The following RGS6 variants were observed in gnomAD, a reference collection of about 807,000 sequenced individuals.
The protein encoded by RGS6 is regulator of G protein signaling 6.
A neutral mutation model predicts 78.5 loss-of-function variants in RGS6; 30 were observed. The ratio of observed to expected loss-of-function variants is 0.38; its 90% CI spans 0.29 to 0.52. The LOEUF is 0.52. Ranked by LOEUF, RGS6 falls within the 20% of genes least tolerant of loss-of-function variation. The pLI is 0.85. For missense variants in RGS6, 495 were observed against 609.7 expected (o/e 0.81, Z 1.98); for synonymous variants, 206 against 206.0 (o/e 1.00, Z 0.00).
At chr14:72,206,200 T>C (rs2042669835) in intron 2 of RGS6, among the ~76,000 whole-genome samples, 1 of 152,156 alleles carries the variant, frequency 6.6e-6, no homozygotes, top group Non-Finnish European at 1.5e-5. Flanking sequence ...TACAGGGGCT[T>C]ATGCCTGTAA....
chr14:72,541,232 GTGAC>G, intron 17 of RGS6: 1 of 1,440,994 alleles, frequency 6.9e-7, no homozygotes, highest in Admixed American at 2.1e-5. Flanking sequence ...TGACTACTGT[GTGAC>G]TGGTATACGT....
At chr14:72,236,847 G>A (rs2283406) in intron 2 of RGS6, among the ~76,000 whole-genome samples, 68,657 of 151,920 alleles carry the variant, frequency 0.45, 15,841 homozygotes, top group Middle Eastern at 0.6. Flanking sequence ...TGGCAGCTGC[G>A]CAGAGGCGCT....
chr14:72,360,338 G>A (rs1472916354), intron 3 of RGS6, among the ~76,000 whole-genome samples: 4 of 151,906 alleles, frequency 2.6e-5, no homozygotes, highest in East Asian at 2.0e-4. Context: ...TGGCTAACAC[G>A]GTGAAACCCC....
At chr14:72,546,349 C>T (rs1431605231) in intron 17 of RGS6, among the ~76,000 whole-genome samples, 1 of 152,210 alleles carries the variant, frequency 6.6e-6, no homozygotes, top group African/African-American at 2.4e-5. Context: ...AAACAACAGA[C>T]TCAGTATGGC....
chr14:72,458,391 C>G lies in RGS6; in HGVS notation c.342+14C>G, dbSNP rs1197745132. 2 of 1,581,188 alleles carry G rather than the reference C, an allele frequency of 1.3e-6. No homozygotes were observed. The highest frequency in any genetic ancestry group is 1.7e-5 in the Admixed American group (1 of 59,874). On this transcript the variant is annotated intron_variant, in intron 5 of 17. Transcript: ENST00000553525. ...TATCGTTTCCAGGTAAGCCTGCTGG[C>G]TCCTCCTCCTGAAGAACCTTTTCTT...
chr14:72,320,327 C>T (rs1341750875), intron 2 of RGS6, among the ~76,000 whole-genome samples: 1 of 152,104 alleles, frequency 6.6e-6, no homozygotes, highest in Non-Finnish European at 1.5e-5. Flanking sequence ...ACCTGTAATC[C>T]CAACACTTTG....
chr14:72,532,449 A>C (rs567394785), intron 15 of RGS6, among the ~76,000 whole-genome samples: 26 of 152,258 alleles, frequency 1.7e-4, no homozygotes, highest in African/African-American at 6.3e-4. Flanking sequence ...CCAATTAATA[A>C]CTCTGCAGTG....
At chr14:72,109,328 C>T (rs1347255628) in intron 2 of RGS6, among the ~76,000 whole-genome samples, 1 of 152,122 alleles carries the variant, frequency 6.6e-6, no homozygotes, top group Non-Finnish European at 1.5e-5. Flanking sequence ...AATTTTTGAA[C>T]ATTCTGTTTG....
At chr14:72,362,175 C>G (rs925010789) in intron 3 of RGS6, among the ~76,000 whole-genome samples, 1 of 152,076 alleles carries the variant, frequency 6.6e-6, no homozygotes, top group African/African-American at 2.4e-5. Context: ...GACCCCTGCT[C>G]TTAAAAAGCT....
chr14:72,197,804 C>CT, intron 2 of RGS6, among the ~76,000 whole-genome samples: 2 of 152,168 alleles, frequency 1.3e-5, no homozygotes, highest in Middle Eastern at 3.4e-3. Context: ...CCTCTGCTGT[C>CT]TTGATAGCTC....
rs546546953 is a variant in RGS6 at position 72,334,849 on chromosome 14, C to T, written c.85-17246C>T. Among the ~76,000 whole-genome samples, 10 of 152,248 alleles carry T rather than the reference C, an allele frequency of 6.6e-5. 1 individual carries two copies. The highest frequency in any genetic ancestry group is 2.4e-4 in the African/African-American group (10 of 41,540). ...AGGCTTCCCTTGGCTCTCAGAGATG[C>T]CCTTCCACTCAACTGCTACCCACAT... On this transcript the variant is annotated intron_variant, in intron 2 of 17. Transcript: ENST00000553525.
rs114997847 is a variant in RGS6 at position 71,993,366 on chromosome 14, A to G, written c.84+28491A>G. On this transcript the variant is annotated intron_variant, in intron 2 of 17. Coordinates refer to ENST00000553525, the MANE Select transcript of RGS6 (RefSeq NM_001204424.2). ...AATTCATTTTCCAATGTATTCATGG[A>G]GTCTAGATGAATTAATGGATGGTAG... 7.4e-4 allele frequency among the ~76,000 whole-genome samples: 113 copies of G among 152,278 alleles called. 1 individual carries two copies. In the Middle Eastern group the frequency reaches 0.014, roughly 18 times the overall value.
chr14:72,536,644 A>T (rs1194022037), intron 16 of RGS6, among the ~76,000 whole-genome samples: 1 of 152,110 alleles, frequency 6.6e-6, no homozygotes, highest in Admixed American at 6.5e-5. Flanking sequence ...CCTCACTGCA[A>T]AGTCCAGCCC....
chr14:72,332,289 G>C (rs183538450), intron 2 of RGS6, among the ~76,000 whole-genome samples: 33 of 152,218 alleles, frequency 2.2e-4, no homozygotes, highest in Admixed American at 3.3e-4. Context: ...AAAAAAGAGC[G>C]TTGGCCATCT....
chr14:72,273,293 G>A (rs1334278619), intron 2 of RGS6, among the ~76,000 whole-genome samples: 1 of 152,134 alleles, frequency 6.6e-6, no homozygotes, highest in Non-Finnish European at 1.5e-5. Context: ...ATGTATGTGG[G>A]TCATTAGACA....
intron 2 of RGS6, among the ~76,000 whole-genome samples, chr14:72,339,714 C>T (rs1171923869): frequency 3.3e-5 from 5 of 152,154 alleles, no homozygotes; most frequent in Admixed American, 2.0e-4. Context: ...ACTCTGATGT[C>T]ACTTGGAAAG....
chr14:72,194,010 T>A (rs115023834), intron 2 of RGS6, among the ~76,000 whole-genome samples: 1,566 of 152,226 alleles, frequency 0.01, 33 homozygotes, highest in African/African-American at 0.036. Context: ...CTGACCGTCA[T>A]GTGCAATGAA....
chr14:72,261,636 T>G (rs2058177004), intron 2 of RGS6, among the ~76,000 whole-genome samples: 1 of 152,144 alleles, frequency 6.6e-6, no homozygotes, highest in Non-Finnish European at 1.5e-5. Flanking sequence ...ATGAACCAGT[T>G]ACCAAACCCA....
intron 2 of RGS6, among the ~76,000 whole-genome samples, chr14:72,242,498 T>G (rs2053131176): frequency 6.6e-6 from 1 of 152,196 alleles, no homozygotes; most frequent in Non-Finnish European, 1.5e-5. Context: ...ATACTTTCTA[T>G]TTATTTTAAC....
Sources: allele counts gnomAD v4.1 joint callset (sites outside exome capture counted in the v4.1 genomes callset), GRCh38; gene constraint gnomAD v4.1.1; transcripts MANE v1.5; gene names NCBI Gene and HGNC (gene_info 2026-07-23, HGNC 2026-07-21).